Variants in ITGBL1 observed in about 807,000 individuals in gnomAD.
The protein encoded by ITGBL1 is integrin subunit beta like 1.
In ITGBL1, 51 loss-of-function variants were observed where a neutral mutation model predicts 68.5. The ratio of observed to expected loss-of-function variants is 0.74; its 90% CI spans 0.59 to 0.94. The LOEUF is 0.94. Among genes scored for constraint, ITGBL1 ranks in the 40% least tolerant of loss-of-function variants. The pLI, the probability that ITGBL1 is intolerant of heterozygous loss-of-function variation, is 0.00. For missense variants in ITGBL1, 649 were observed against 647.4 expected (o/e 1.00, Z -0.03); for synonymous variants, 209 against 227.3 (o/e 0.92, Z 0.72).
At chr13:101,601,102 C>T (rs908464755) in intron 7 of ITGBL1, among the ~76,000 whole-genome samples, 1 of 152,022 alleles carries the variant, frequency 6.6e-6, no homozygotes, top group Non-Finnish European at 1.5e-5. Context: ...ATTATTGCCT[C>T]AATTTCAGAG....
intron 2 of ITGBL1, among the ~76,000 whole-genome samples, chr13:101,499,455 A>C (rs561895038): frequency 6.6e-6 from 1 of 152,304 alleles, no homozygotes; most frequent in African/African-American, 2.4e-5. Context: ...AGGCAGTAGA[A>C]GTTTTTATGG....
chr13:101,609,923 A>G (rs1262896885), intron 7 of ITGBL1, among the ~76,000 whole-genome samples: 5 of 152,152 alleles, frequency 3.3e-5, no homozygotes, highest in East Asian at 1.9e-4. Context: ...GACAAGTTTC[A>G]TTACATTTTG....
At chr13:101,504,643 G>A (rs545657919) in intron 2 of ITGBL1, among the ~76,000 whole-genome samples, 82 of 152,286 alleles carry the variant, frequency 5.4e-4, no homozygotes, top group Non-Finnish European at 1.1e-3. Flanking sequence ...TTATGTGAAA[G>A]TATTAATAGT....
intron 4 of ITGBL1, among the ~76,000 whole-genome samples, chr13:101,576,716 T>C (rs1566739153): frequency 6.6e-6 from 1 of 152,170 alleles, no homozygotes; most frequent in Non-Finnish European, 1.5e-5. Flanking sequence ...AATACACTTA[T>C]TTTAGGCCTG....
At chr13:101,678,180 G>A (rs2033551271) in intron 7 of ITGBL1, among the ~76,000 whole-genome samples, 1 of 152,188 alleles carries the variant, frequency 6.6e-6, no homozygotes, top group Non-Finnish European at 1.5e-5. Context: ...AAATTCGCAT[G>A]TACATACATT....
intron 2 of ITGBL1, among the ~76,000 whole-genome samples, chr13:101,519,011 A>G (rs973203727): frequency 2.6e-5 from 4 of 152,214 alleles, no homozygotes; most frequent in African/African-American, 9.6e-5. Context: ...TGTTGTAAAG[A>G]CAGATACATG....
chr13:101,641,252 C>T (rs762261080), intron 7 of ITGBL1, among the ~76,000 whole-genome samples: 1 of 152,156 alleles, frequency 6.6e-6, no homozygotes, highest in Admixed American at 6.6e-5. Flanking sequence ...CTGAGTGCAA[C>T]AGTAGGTGTC....
chr13:101,645,260 G>A (rs188573973), intron 7 of ITGBL1, among the ~76,000 whole-genome samples: 9 of 152,174 alleles, frequency 5.9e-5, no homozygotes, highest in Admixed American at 2.0e-4. Context: ...TCATCCCTGC[G>A]TCTCAGGAAG....
chr13:101,705,690 C>T (rs920070621), intron 8 of ITGBL1, among the ~76,000 whole-genome samples: 1 of 152,054 alleles, frequency 6.6e-6, no homozygotes, highest in Non-Finnish European at 1.5e-5. Context: ...CTGTGGAGAG[C>T]TGAATGGAGG....
chr13:101,497,699 A>G (rs1018049202), intron 2 of ITGBL1, among the ~76,000 whole-genome samples: 1 of 152,114 alleles, frequency 6.6e-6, no homozygotes, highest in Admixed American at 6.5e-5. Context: ...CTGAGATGGA[A>G]GCTCTCGGTC....
At chr13:101,574,802 G>T (rs947606663) in intron 3 of ITGBL1, among the ~76,000 whole-genome samples, 1 of 152,010 alleles carries the variant, frequency 6.6e-6, no homozygotes, top group Non-Finnish European at 1.5e-5. Flanking sequence ...CCTCTCTAAC[G>T]TGGAGGTCCC....
chr13:101,719,252 TAAC>T (rs1281907016), downstream of ITGBL1: 13 of 152,204 alleles, frequency 8.5e-5, no homozygotes, highest in Admixed American at 5.9e-4. Flanking sequence ...CTGATAAAAA[TAAC>T]AACTTTTAGT....
chr13:101,588,294 C>T (rs1016609170), intron 6 of ITGBL1, among the ~76,000 whole-genome samples: 4 of 36,544 alleles, frequency 1.1e-4, no homozygotes, highest in Non-Finnish European at 2.0e-4. Context: ...CTGTATTCTT[C>T]CATTGTGTGT....
chr13:101,552,853 T>C (rs1209687857), intron 2 of ITGBL1, among the ~76,000 whole-genome samples: 1 of 152,158 alleles, frequency 6.6e-6, no homozygotes, highest in Non-Finnish European at 1.5e-5. Context: ...CATAAGGTGA[T>C]TATTGGTAAT....
At chr13:101,623,232 T>C (rs1041282911) in intron 7 of ITGBL1, among the ~76,000 whole-genome samples, 4 of 152,088 alleles carry the variant, frequency 2.6e-5, no homozygotes, top group Admixed American at 2.6e-4. Flanking sequence ...AGGTTTATAA[T>C]TTAGCTTGAT....
At chr13:101,714,592 T>C (rs773886594) in intron 10 of ITGBL1, 41 bp downstream of exon 10, 1 of 1,184,356 alleles carries the variant, frequency 8.4e-7, no homozygotes, top group Admixed American at 1.7e-5. Context: ...TGCCACAGTT[T>C]GTTATAGAGC....
At chr13:101,536,977 T>C (rs542385645) in intron 2 of ITGBL1, among the ~76,000 whole-genome samples, 1 of 152,174 alleles carries the variant, frequency 6.6e-6, no homozygotes, top group South Asian at 2.1e-4. Context: ...TTGAGAAGGA[T>C]GCTTTTGTCT....
intron 8 of ITGBL1, among the ~76,000 whole-genome samples, chr13:101,698,642 G>C (rs112400717): frequency 1.4e-3 from 220 of 152,280 alleles, no homozygotes; most frequent in Non-Finnish European, 2.3e-3. Context: ...ACCTATGCAT[G>C]CATGGATTTA....
At chr13:101,513,856 AC>A (rs1214537025) in intron 2 of ITGBL1, among the ~76,000 whole-genome samples, 1 of 152,148 alleles carries the variant, frequency 6.6e-6, no homozygotes, top group African/African-American at 2.4e-5. Context: ...AAAATATCAT[AC>A]ATGTGATACT....
Sources: gnomAD v4.1 joint callset for allele counts (sites outside exome capture counted in the v4.1 genomes callset) on GRCh38, gnomAD v4.1.1 for gene constraint, MANE v1.5 for transcripts, NCBI Gene and HGNC (gene_info 2026-07-23, HGNC 2026-07-21) for gene names.